Variants in CEP128 observed in about 807,000 individuals in gnomAD.
The protein encoded by CEP128 is centrosomal protein 128kDa.
CEP128 carries 132 observed loss-of-function variants against 156.7 expected under a neutral mutation model. The observed-to-expected ratio is 0.84, with a 90% confidence interval of 0.73 to 0.97. The LOEUF (loss-of-function observed/expected upper bound fraction) is 0.97. Ranked by LOEUF, CEP128 falls within the 50% of genes least tolerant of loss-of-function variation. The pLI is 0.00. For synonymous variants in CEP128, 469 were observed against 448.9 expected, an observed-to-expected ratio of 1.04 and a Z score of -0.57; for missense variants, 1,252 against 1,281.9, an observed-to-expected ratio of 0.98 and a Z score of 0.36.
intron 19 of CEP128, among the ~76,000 whole-genome samples, chr14:80,665,677 C>G (rs1374045260): frequency 6.6e-6 from 1 of 151,996 alleles, no homozygotes; most frequent in African/African-American, 2.4e-5. Flanking sequence ...TCCCTAATCT[C>G]TCGGGGAGAA....
chr14:80,644,005 A>G (rs554195813), intron 19 of CEP128, among the ~76,000 whole-genome samples: 2 of 152,222 alleles, frequency 1.3e-5, no homozygotes, highest in East Asian at 3.9e-4. Context: ...ACATGAGAAA[A>G]GAGAGAGATT....
intron 9 of CEP128, among the ~76,000 whole-genome samples, chr14:80,853,518 T>A (rs78246236): frequency 3.0e-4 from 45 of 150,540 alleles, no homozygotes; most frequent in African/African-American, 9.0e-4. Flanking sequence ...GATGCAATTT[T>A]AAAAAAAAAT....
At chr14:80,850,573 G>C (rs1886841058) in intron 9 of CEP128, among the ~76,000 whole-genome samples, 1 of 152,130 alleles carries the variant, frequency 6.6e-6, no homozygotes. Flanking sequence ...TATCTACAAA[G>C]TCTCTTTAAA....
intron 19 of CEP128, among the ~76,000 whole-genome samples, chr14:80,596,652 T>C (rs1191821628): frequency 6.6e-6 from 1 of 150,744 alleles, no homozygotes; most frequent in African/African-American, 2.4e-5. Flanking sequence ...CTATAAAAAT[T>C]TGTAAAAATG....
chr14:80,670,483 C>G (rs918483326), intron 19 of CEP128, among the ~76,000 whole-genome samples: 2 of 152,098 alleles, frequency 1.3e-5, no homozygotes, highest in African/African-American at 4.8e-5. Context: ...TTTGCAGAAA[C>G]ATGGATGGAA....
chr14:80,824,451 CCTTAT>C (rs1234335513), intron 13 of CEP128, among the ~76,000 whole-genome samples: 1 of 152,144 alleles, frequency 6.6e-6, no homozygotes, highest in Non-Finnish European at 1.5e-5. Flanking sequence ...GCTCTACTTC[CCTTAT>C]AAAACTGAAT....
At chr14:80,825,776 T>C (rs974396777) in intron 13 of CEP128, among the ~76,000 whole-genome samples, 3 of 152,148 alleles carry the variant, frequency 2.0e-5, no homozygotes, top group African/African-American at 7.2e-5. Context: ...AGTCTTCTAA[T>C]AGGTATAAAG....
intron 19 of CEP128, among the ~76,000 whole-genome samples, chr14:80,588,256 C>T (rs1448405030): frequency 1.3e-5 from 2 of 152,062 alleles, no homozygotes; most frequent in Non-Finnish European, 2.9e-5. Flanking sequence ...GTGATGTGCA[C>T]TTAGTTACAG....
intron 19 of CEP128, among the ~76,000 whole-genome samples, chr14:80,665,456 T>C (rs1340781563): frequency 6.6e-6 from 1 of 152,204 alleles, no homozygotes; most frequent in Non-Finnish European, 1.5e-5. Flanking sequence ...AACCTCTTTA[T>C]TGTCAGGCAC....
chr14:80,856,661 C>CTGCGTGTGTGTGTG (rs1372071245), intron 9 of CEP128, among the ~76,000 whole-genome samples: 2 of 148,464 alleles, frequency 1.3e-5, no homozygotes, highest in Non-Finnish European at 3.0e-5. Context: ...TGGAGTGTGC[C>CTGCGTGTGTGTGTG]TGCGTGTGTG....
intron 23 of CEP128, among the ~76,000 whole-genome samples, chr14:80,513,743 A>C (rs72689029): frequency 6.6e-6 from 1 of 152,126 alleles, no homozygotes; most frequent in African/African-American, 2.4e-5. Flanking sequence ...ATCGTGACTT[A>C]CTTTCCAATC....
rs573926163 is a variant in CEP128 at position 80,477,620 on chromosome 14, A to T, written c.*1098T>A. 2.6e-5 allele frequency: 4 copies of T among 152,364 alleles called. No individual in the cohort carries two copies. In the South Asian group the frequency reaches 8.3e-4, roughly 32 times the overall value. The allele number at this position is 152,364 out of a possible 1,614,324, so 9.4% of individuals were successfully genotyped here. A position where few individuals can be genotyped will look rare whatever the true frequency, so the allele number is the denominator to read the frequency against. On this transcript the variant is annotated 3_prime_UTR_variant and NMD_transcript_variant, in exon 15 of 15. Coordinates refer to the CEP128 transcript ENST00000554502. ...AATAATGAGTGGAACTAAAAGGCCC[A>T]CACACCATGGAAAGCTTAGCGAGTT... is the stretch of plus-strand genomic sequence containing the variant.
chr14:80,926,270 C>T (rs1293390897), intron 2 of CEP128, among the ~76,000 whole-genome samples: 1 of 152,096 alleles, frequency 6.6e-6, no homozygotes, highest in Non-Finnish European at 1.5e-5. Flanking sequence ...TGGCTTGGGA[C>T]AGTTTTGAGG....
At chr14:80,716,270 CT>C (rs1336934505) in intron 19 of CEP128, among the ~76,000 whole-genome samples, 4 of 152,148 alleles carry the variant, frequency 2.6e-5, no homozygotes, top group Non-Finnish European at 2.9e-5. Flanking sequence ...AACCTGATGG[CT>C]TTTGGTATAT....
chr14:80,616,173 A>G (rs1221006392), intron 19 of CEP128, among the ~76,000 whole-genome samples: 1 of 152,220 alleles, frequency 6.6e-6, no homozygotes, highest in Non-Finnish European at 1.5e-5. Context: ...AAAAATTTGC[A>G]TTCAATTTCA....
intron 9 of CEP128, among the ~76,000 whole-genome samples, chr14:80,859,950 T>C (rs12587367): frequency 0.12 from 18,336 of 152,178 alleles, 1,578 homozygotes; most frequent in East Asian, 0.45. Context: ...TTAAATGTCA[T>C]ATTTTTCATT....
At chr14:80,871,064 G>A (rs574002781) in intron 8 of CEP128, among the ~76,000 whole-genome samples, 4 of 151,490 alleles carry the variant, frequency 2.6e-5, no homozygotes, top group African/African-American at 9.7e-5. Context: ...ATTAAAGAAA[G>A]AGGAAGTCAG....
chr14:80,587,287 C>CTT (rs1891860905), intron 19 of CEP128, among the ~76,000 whole-genome samples: 1 of 152,108 alleles, frequency 6.6e-6, no homozygotes, highest in Non-Finnish European at 1.5e-5. Context: ...CCACAGAAAA[C>CTT]ACACAGGTTA....
intron 19 of CEP128, among the ~76,000 whole-genome samples, chr14:80,640,992 G>A (rs1366603045): frequency 6.6e-6 from 1 of 152,140 alleles, no homozygotes; most frequent in Admixed American, 6.5e-5. Context: ...CTTGAGAATT[G>A]CTTCCTAGCT....
Sources: gnomAD v4.1 joint callset for allele counts (sites outside exome capture counted in the v4.1 genomes callset) on GRCh38, gnomAD v4.1.1 for gene constraint, MANE v1.5 for transcripts, NCBI Gene and HGNC (gene_info 2026-07-23, HGNC 2026-07-21) for gene names.